Variants in EPHA3 observed in about 807,000 individuals in gnomAD.
The protein encoded by EPHA3 is ephrin type-A receptor 3.
Under a neutral mutation model 107.1 loss-of-function variants are expected in EPHA3, and 42 were observed. The observed-to-expected ratio is 0.39, with a 90% CI of 0.31 to 0.51. The LOEUF (loss-of-function observed/expected upper bound fraction) is 0.51. Ranked by LOEUF, EPHA3 falls within the 20% of genes least tolerant of loss-of-function variation. The pLI is 0.78. For synonymous variants in EPHA3, 461 were observed against 424.8 expected (o/e 1.09, Z -1.05); for missense variants, 1,183 against 1,211.2 (o/e 0.98, Z 0.35).
intron 2 of EPHA3, among the ~76,000 whole-genome samples, chr3:89,183,747 T>C (rs1156465072): frequency 2.0e-5 from 3 of 151,986 alleles, no homozygotes; most frequent in Non-Finnish European, 4.4e-5. Flanking sequence ...TTATAACTCT[T>C]ATACTTTGTT....
chr3:89,355,960 T>C (rs1707940329), intron 5 of EPHA3, among the ~76,000 whole-genome samples: 1 of 149,214 alleles, frequency 6.7e-6, no homozygotes, highest in South Asian at 2.1e-4. Flanking sequence ...ATTAGGTACT[T>C]CTCCTAAAGC....
intron 2 of EPHA3, among the ~76,000 whole-genome samples, chr3:89,169,179 A>ATAATTTAAATATATAATTT (rs1226300770): frequency 2.0e-5 from 3 of 152,146 alleles, no homozygotes; most frequent in African/African-American, 7.2e-5. Flanking sequence ...TTAAAAGTAT[A>ATAATTTAAATATATAATTT]AAAAGATGAA....
intron 5 of EPHA3, among the ~76,000 whole-genome samples, chr3:89,375,495 C>A (rs1708385535): frequency 6.6e-6 from 1 of 151,514 alleles, no homozygotes; most frequent in South Asian, 2.1e-4. Flanking sequence ...GAGTGGGAGC[C>A]CGTTTGGAAT....
At chr3:89,351,983 C>G (rs115996067) in intron 5 of EPHA3, among the ~76,000 whole-genome samples, 1 of 149,626 alleles carries the variant, frequency 6.7e-6, no homozygotes, top group African/African-American at 2.4e-5. Flanking sequence ...TAGGACTTTC[C>G]AGGTGCTGGA....
At chr3:89,133,755 T>C (rs73845987) in intron 2 of EPHA3, among the ~76,000 whole-genome samples, 17 of 152,286 alleles carry the variant, frequency 1.1e-4, no homozygotes, top group Non-Finnish European at 1.3e-4. Flanking sequence ...ATGCCTCTCA[T>C]CAATTTGCTG....
chr3:89,144,352 T>C (rs1704491347), intron 2 of EPHA3, among the ~76,000 whole-genome samples: 1 of 151,738 alleles, frequency 6.6e-6, no homozygotes, highest in South Asian at 2.1e-4. Flanking sequence ...TTTTCACATA[T>C]GATGCTGTTT....
At chr3:89,212,472 T>C (rs1263704139) in intron 3 of EPHA3, among the ~76,000 whole-genome samples, 1 of 152,092 alleles carries the variant, frequency 6.6e-6, no homozygotes, top group Non-Finnish European at 1.5e-5. Context: ...ATATTTTACT[T>C]GATTTTTTCA....
intron 1 of EPHA3, among the ~76,000 whole-genome samples, chr3:89,109,401 G>T (rs190132793): frequency 4.6e-5 from 7 of 151,706 alleles, no homozygotes; most frequent in African/African-American, 1.7e-4. Flanking sequence ...TTTGTTCTTT[G>T]CAGATATTAA....
chr3:89,450,133 TC>T, intron 14 of EPHA3, 43 bp from the exon 15 acceptor site: 3 of 1,497,246 alleles, frequency 2.0e-6, no homozygotes, highest in Non-Finnish European at 2.7e-6. Context: ...AAGTGACACT[TC>T]CTGAAAACTT....
At chr3:89,171,428 A>G (rs1179136425) in intron 2 of EPHA3, among the ~76,000 whole-genome samples, 1 of 152,164 alleles carries the variant, frequency 6.6e-6, no homozygotes, top group African/African-American at 2.4e-5. Flanking sequence ...TGTACAATGA[A>G]GCAAGCAATG....
chr3:89,298,656 T>C (rs1246039333), intron 3 of EPHA3, among the ~76,000 whole-genome samples: 1 of 152,152 alleles, frequency 6.6e-6, no homozygotes, highest in Non-Finnish European at 1.5e-5. Flanking sequence ...ATTAATTCAA[T>C]TAAAGGTATT....
intron 12 of EPHA3, among the ~76,000 whole-genome samples, chr3:89,430,350 G>A (rs1709542700): frequency 6.6e-6 from 1 of 151,886 alleles, no homozygotes; most frequent in African/African-American, 2.4e-5. Flanking sequence ...ACTGAGAAAG[G>A]ATATGCTTTA....
intron 5 of EPHA3, among the ~76,000 whole-genome samples, chr3:89,379,886 G>C (rs1708467147): frequency 1.3e-5 from 2 of 152,128 alleles, no homozygotes; most frequent in South Asian, 4.1e-4. Context: ...TGTTTGAATT[G>C]ACTTCATAAG....
chr3:89,379,523 T>G (rs920697419), intron 5 of EPHA3, among the ~76,000 whole-genome samples: 16 of 152,336 alleles, frequency 1.1e-4, no homozygotes, highest in Admixed American at 6.5e-5. Context: ...GGATATATAC[T>G]TGGAGGAGAA....
At chr3:89,471,471 C>T (rs1393011208) in intron 15 of EPHA3, among the ~76,000 whole-genome samples, 3 of 152,146 alleles carry the variant, frequency 2.0e-5, no homozygotes, top group South Asian at 2.1e-4. Context: ...CAGGTTCAAG[C>T]GATTCTCCTG....
At chr3:89,248,145 T>C (rs1326534222) in intron 3 of EPHA3, among the ~76,000 whole-genome samples, 8 of 152,196 alleles carry the variant, frequency 5.3e-5, no homozygotes, top group Non-Finnish European at 1.5e-5. Flanking sequence ...TTTCCTTAAA[T>C]GCGCTGCAAC....
At chr3:89,416,244 C>G (rs2107524611) in intron 10 of EPHA3, among the ~76,000 whole-genome samples, 1 of 151,292 alleles carries the variant, frequency 6.6e-6, no homozygotes, top group East Asian at 1.9e-4. Flanking sequence ...ATACCTATTT[C>G]AAAGAGCAAA....
At chr3:89,395,760 C>T in intron 5 of EPHA3, 77 bp from the exon 6 acceptor site, 4 of 1,544,352 alleles carry the variant, frequency 2.6e-6, no homozygotes, top group African/African-American at 1.4e-5. Context: ...TCCCTTCTCC[C>T]TCTGTTCTTA....
At chr3:89,203,245 GT>G (rs951565289) in intron 2 of EPHA3, among the ~76,000 whole-genome samples, 19 of 145,180 alleles carry the variant, frequency 1.3e-4, no homozygotes, top group African/African-American at 4.6e-4. Context: ...TTTTGGTTTT[GT>G]TTTTGTTGTT....
Sources: allele counts gnomAD v4.1 joint callset (sites outside exome capture counted in the v4.1 genomes callset), GRCh38; gene constraint gnomAD v4.1.1; transcripts MANE v1.5; gene names NCBI Gene and HGNC (gene_info 2026-07-23, HGNC 2026-07-21).